DRC11: variants seen among roughly 807,000 people sequenced by gnomAD.
The protein encoded by DRC11 is dynein regulatory complex subunit 11.
the DRC11 span, among the ~76,000 whole-genome samples, chr2:236,458,812 G>C: frequency 6.6e-6 from 1 of 152,138 alleles, no homozygotes; most frequent in Non-Finnish European, 1.5e-5. Flanking sequence ...TTGGGAGGCC[G>C]AGGCAGATGG....
the DRC11 span, among the ~76,000 whole-genome samples, chr2:236,464,700 G>T: frequency 6.6e-6 from 1 of 152,170 alleles, no homozygotes; most frequent in African/African-American, 2.4e-5. Context: ...GATCCCCAGT[G>T]TTGGAGGTGG....
the DRC11 span, chr2:236,407,706 C>A: frequency 3.8e-6 from 1 of 263,374 alleles, no homozygotes; most frequent in Admixed American, 4.9e-5. Flanking sequence ...TGCATCATTT[C>A]CCCCCTGTGA....
chr2:236,369,357 G>T, the DRC11 span, among the ~76,000 whole-genome samples: 1 of 152,208 alleles, frequency 6.6e-6, no homozygotes, highest in Non-Finnish European at 1.5e-5. The surrounding 1 kb of genome is among the most constrained non-coding windows in gnomAD (Gnocchi z 4.5). Flanking sequence ...AAACGTCCTT[G>T]GCAAGGACAA....
the DRC11 span, among the ~76,000 whole-genome samples, chr2:236,401,057 G>GC: frequency 5.3e-5 from 8 of 152,062 alleles, no homozygotes; most frequent in African/African-American, 1.9e-4. The surrounding 1 kb of genome is among the most constrained non-coding windows in gnomAD (Gnocchi z 4.6). Context: ...CCCCACAGAG[G>GC]CATTTGTCTT....
chr2:236,441,109 T>C, the DRC11 span: 1 of 1,558,610 alleles, frequency 6.4e-7, no homozygotes, highest in Non-Finnish European at 8.7e-7. Context: ...AGTCAGGAAA[T>C]GTCCCGGTTA....
the DRC11 span, among the ~76,000 whole-genome samples, chr2:236,395,066 T>C: frequency 2.0e-5 from 3 of 152,190 alleles, no homozygotes; most frequent in African/African-American, 7.2e-5. Context: ...CCAATGCACT[T>C]AGGCGTCCTT....
At chr2:236,365,078 T>A in the DRC11 span, among the ~76,000 whole-genome samples, 252 of 152,096 alleles carry the variant, frequency 1.7e-3, 2 homozygotes, top group Non-Finnish European at 4.9e-4. The surrounding 1 kb of genome is among the most constrained non-coding windows in gnomAD (Gnocchi z 7.4). Flanking sequence ...TTGCCCTGCG[T>A]TGGACACCTG....
chr2:236,494,548 T>C, the DRC11 span, among the ~76,000 whole-genome samples: 1 of 152,228 alleles, frequency 6.6e-6, no homozygotes, highest in African/African-American at 2.4e-5. This position sits in a 1 kb window ranked among gnomAD's most constrained non-coding sequence, Gnocchi z 4.2. Flanking sequence ...GGTATGCCCT[T>C]GGCCAATCCC....
At chr2:236,442,591 T>C in the DRC11 span, among the ~76,000 whole-genome samples, 5 of 152,220 alleles carry the variant, frequency 3.3e-5, no homozygotes, top group South Asian at 2.1e-4. Context: ...GTGCCTGGAA[T>C]AGACCTTTTA....
the DRC11 span, among the ~76,000 whole-genome samples, chr2:236,404,016 T>C: frequency 1.3e-5 from 2 of 152,032 alleles, no homozygotes; most frequent in East Asian, 3.9e-4. Context: ...ATCCCACCAC[T>C]GTGGCTGGCC....
chr2:236,346,938 G>A, the DRC11 span, among the ~76,000 whole-genome samples: 4 of 152,320 alleles, frequency 2.6e-5, no homozygotes, highest in East Asian at 5.8e-4. Context: ...GGTAAGGGAG[G>A]AGCATCTCAA....
the DRC11 span, among the ~76,000 whole-genome samples, chr2:236,455,971 G>A: frequency 6.3e-3 from 952 of 151,924 alleles, 13 homozygotes; most frequent in African/African-American, 0.022. The surrounding 1 kb of genome is among the most constrained non-coding windows in gnomAD (Gnocchi z 5.7). Flanking sequence ...TGCTCTCCGC[G>A]CCTCCACCAC....
At chr2:236,490,027 T>A in the DRC11 span, among the ~76,000 whole-genome samples, 1 of 152,176 alleles carries the variant, frequency 6.6e-6, no homozygotes. This position sits in a 1 kb window ranked among gnomAD's most constrained non-coding sequence, Gnocchi z 5.5. Context: ...AGTAGGACAA[T>A]GTGAAGGTGC....
the DRC11 span, among the ~76,000 whole-genome samples, chr2:236,322,229 CT>C: frequency 0.019 from 1,917 of 98,506 alleles, 7 homozygotes; most frequent in African/African-American, 0.046. Context: ...TTTCTTTCCT[CT>C]TTTTTTTTTT....
chr2:236,349,355 G>A, the DRC11 span, among the ~76,000 whole-genome samples: 2 of 152,168 alleles, frequency 1.3e-5, no homozygotes, highest in African/African-American at 4.8e-5. The surrounding 1 kb of genome is among the most constrained non-coding windows in gnomAD (Gnocchi z 5.5). Context: ...TATGTAAAAG[G>A]TTTATACTTC....
the DRC11 span, among the ~76,000 whole-genome samples, chr2:236,427,309 T>C: frequency 2.0e-5 from 3 of 152,158 alleles, no homozygotes; most frequent in Non-Finnish European, 2.9e-5. This position sits in a 1 kb window ranked among gnomAD's most constrained non-coding sequence, Gnocchi z 5.9. Context: ...TTTGGAAGTA[T>C]TTATTTCTCT....
At chr2:236,491,106 GTA>G in the DRC11 span, among the ~76,000 whole-genome samples, 1 of 116,830 alleles carries the variant, frequency 8.6e-6, no homozygotes, top group African/African-American at 3.3e-5. Flanking sequence ...GTGTGTGTGT[GTA>G]TATATATACA....
At chr2:236,499,085 G>A in the DRC11 span, among the ~76,000 whole-genome samples, 1 of 152,190 alleles carries the variant, frequency 6.6e-6, no homozygotes, top group African/African-American at 2.4e-5. This position sits in a 1 kb window ranked among gnomAD's most constrained non-coding sequence, Gnocchi z 4.7. Flanking sequence ...GGTCAAGGGG[G>A]CTCACCTCTT....
chr2:236,377,198 C>A, the DRC11 span: 2 of 1,565,226 alleles, frequency 1.3e-6, no homozygotes, highest in Non-Finnish European at 1.8e-6. This position sits in a 1 kb window ranked among gnomAD's most constrained non-coding sequence, Gnocchi z 4.9. Flanking sequence ...GGGGAGAAAG[C>A]AGAGTGTCTG....
Sources: gnomAD v4.1 joint callset for allele counts (sites outside exome capture counted in the v4.1 genomes callset) on GRCh38, gnomAD v4.1.1 for gene constraint, Gnocchi (gnomAD v3.1) non-coding constraint, MANE v1.5 for transcripts, NCBI Gene and HGNC (gene_info 2026-07-23, HGNC 2026-07-21) for gene names.